The following SLC35G4 variants were observed in gnomAD, a reference collection of about 807,000 sequenced individuals.
The protein encoded by SLC35G4 is solute carrier family 35 member G4.
SLC35G4 carries 12 observed loss-of-function variants against 15.8 expected under a neutral mutation model. The observed-to-expected ratio is 0.76, with a 90% confidence interval of 0.49 to 1.23. SLC35G4 has a LOEUF of 1.23. SLC35G4 is among the 50% of genes most tolerant of loss of function. The pLI is 0.00. For missense variants in SLC35G4, 390 were observed against 422.1 expected, an observed-to-expected ratio of 0.92 and a Z score of 0.67; for synonymous variants, 177 against 186.5, an observed-to-expected ratio of 0.95 and a Z score of 0.41.
Position 11,609,985 on chromosome 18 carries a change from T to A in SLC35G4, c.390T>A (p.Ala130=). The A allele has an allele frequency of 6.8e-6, 11 of 1,613,982 alleles. No homozygotes were observed. The highest frequency in any genetic ancestry group is 9.3e-6 in the Non-Finnish European group (11 of 1,179,848). Residue 130 remains alanine (A), a synonymous_variant, in exon 1 of 1, where the codon GCT becomes GCA. Coordinates refer to ENST00000588001, the MANE Select transcript of SLC35G4 (RefSeq NM_001282300.2). ...SAVQVVPTGN[A]ATVRKHSSTV... ...TTCAGGTGGTGCCCACTGGCAATGC[T>A]GCCACTGTTCGCAAACATTCTTCCA...
chr18:11,609,975 C>A lies in SLC35G4; in HGVS notation c.380C>A (p.Thr127Asn), dbSNP rs771762914. The change falls in exon 1 of 1, where the codon ACT (threonine) becomes AAT (asparagine). Residue 127 changes from threonine (T) to asparagine (N), a missense_variant. Thr to Asn is a moderately conservative substitution (Grantham distance 65). Coordinates refer to ENST00000588001, the MANE Select transcript of SLC35G4 (RefSeq NM_001282300.2). Reference sequence around the variant, plus strand: ...TATAGTGCGGTTCAGGTGGTGCCCACTGGCAATGCTGCCACTGTTCGCAAA... The same window carrying A: ...TATAGTGCGGTTCAGGTGGTGCCCAATGGCAATGCTGCCACTGTTCGCAAA... ...CAYSAVQVVPTGNAATVRKHS... is the reference protein window; with the variant it reads ...CAYSAVQVVPNGNAATVRKHS... The A allele has an allele frequency of 6.2e-7, 1 of 1,614,026 alleles. No individual in the cohort carries two copies. Among genetic ancestry groups the A allele is most frequent in the Admixed American group, 1.7e-5 (1 of 60,030 alleles).
Position 11,609,966 on chromosome 18 carries a change from T to A in SLC35G4, c.371T>A (p.Val124Glu), listed in dbSNP as rs1435324761. ...GGATGTGCCTATAGTGCGGTTCAGG[T>A]GGTGCCCACTGGCAATGCTGCCACT... The part of the protein sequence containing the change: ...NIGCAYSAVQ[V>E]VPTGNAATVR... Residue 124 changes from valine to glutamate, a missense_variant, in exon 1 of 1, where the codon GTG becomes GAG. Physicochemically the swap from Val to Glu is moderately radical, Grantham distance 121. This residue lies in a region of SLC35G4 where 331 missense variants were observed against 241.1 expected (regional missense o/e 1.37). Transcript: ENST00000588001. 3.7e-6 allele frequency: 6 copies of A among 1,614,002 alleles called. No homozygotes were observed. The highest frequency in any genetic ancestry group is 5.1e-6 in the Non-Finnish European group (6 of 1,179,872).
rs747607560 is a variant in SLC35G4, at chr18:11,609,837, T to A, written c.242T>A (p.Leu81His). 31 of 1,613,464 alleles carry A rather than the reference T, an allele frequency of 1.9e-5. No homozygotes were observed. The highest frequency in any genetic ancestry group is 2.6e-5 in the Non-Finnish European group (31 of 1,179,748). Residue 81 changes from leucine to histidine, a missense_variant, in exon 1 of 1, where the codon CTC (leucine) becomes CAC (histidine). By Grantham distance (99) the Leu-to-His change is moderately conservative. Transcript: ENST00000588001. ...GTCATCTGTCGATGCCTCTTCCACC[T>A]CCCTATTGCCCTGCTACTTAAACTG... ...ELVICRCLFH[L>H]PIALLLKLRG...
Position 11,609,698 on chromosome 18 carries a change from G to C in SLC35G4, c.103G>C (p.Asp35His). ...CTGGCACCAGCGCTGCCAGCCCTCT[G>C]ATGCCACCAATGGCCTGCTGGTGGC... ...LHWHQRCQPS[D>H]ATNGLLVALL... The change falls in exon 1 of 1, where the codon GAT becomes CAT. Residue 35 changes from aspartate to histidine, a missense_variant. Asp to His is a moderately conservative substitution (Grantham distance 81). Coordinates refer to ENST00000588001, the MANE Select transcript of SLC35G4 (RefSeq NM_001282300.2). 1 of 1,614,004 alleles carries C rather than the reference G, an allele frequency of 6.2e-7. No individual in the cohort carries two copies. The highest frequency in any genetic ancestry group is 8.5e-7 in the Non-Finnish European group (1 of 1,180,006).
rs538467978 is a variant in SLC35G4 at position 11,609,692 on chromosome 18, C to A, written c.97C>A (p.Pro33Thr). The change falls in exon 1 of 1, where the codon CCC (proline) becomes ACC (threonine). Residue 33 changes from proline to threonine, a missense_variant. This residue lies in a region of SLC35G4 where 331 missense variants were observed against 241.1 expected (regional missense o/e 1.37). Coordinates refer to ENST00000588001, the MANE Select transcript of SLC35G4 (RefSeq NM_001282300.2). ...CCTCCACTGGCACCAGCGCTGCCAGCCCTCTGATGCCACCAATGGCCTGCT... is the reference window on the plus strand; with the variant it reads ...CCTCCACTGGCACCAGCGCTGCCAGACCTCTGATGCCACCAATGGCCTGCT... ...PSLHWHQRCQPSDATNGLLVA... is the reference protein window; with the variant it reads ...PSLHWHQRCQTSDATNGLLVA... The A allele has an allele frequency of 2.5e-5, 41 of 1,614,018 alleles. No individual in the cohort carries two copies. In the Admixed American group the frequency reaches 3.7e-4, roughly 14 times the overall value.
chr18:11,610,111 T>C lies in SLC35G4; in HGVS notation c.516T>C (p.Ile172=). Residue 172 remains isoleucine, a synonymous_variant, in exon 1 of 1, where the codon ATT becomes ATC. Transcript: ENST00000588001. ...LLGSILGLII[I]VGPGLWTLQE... ...GCAGCATCCTAGGACTAATAATCAT[T>C]GTGGGACCTGGACTCTGGACACTAC... The C allele has an allele frequency of 6.2e-7, 1 of 1,613,610 alleles. No individual in the cohort carries two copies. Among genetic ancestry groups the C allele is most frequent in the Middle Eastern group, 1.7e-4 (1 of 5,808 alleles).
Position 11,610,314 on chromosome 18 carries a change from T to C in SLC35G4, c.719T>C (p.Val240Ala). The C allele has an allele frequency of 1.9e-6, 3 of 1,603,856 alleles. No individual in the cohort carries two copies. The highest frequency in any genetic ancestry group is 2.6e-6 in the Non-Finnish European group (3 of 1,174,812). The change falls in exon 1 of 1, where the codon GTG becomes GCG. Residue 240 changes from valine to alanine, a missense_variant. Around this residue, in one of 2 missense-constraint regions of SLC35G4, gnomAD observed 59 missense variants for 181.0 expected, o/e 0.33. Transcript: ENST00000588001. ...GLLGSVPGLF[V>A]LQSPVLPSDL... ...CTGGGCTCTGTGCCAGGCCTCTTTG[T>C]GCTGCAGTCCCCCGTGTTGCCCAGT... is the stretch of plus-strand genomic sequence containing the variant.
rs745728497 is a variant in SLC35G4 at position 11,609,742 on chromosome 18, G to A, written c.147G>A (p.Leu49=). The stretch of plus-strand genomic sequence containing the variant: ...TGGTGGCCCTGCTGGGTGGGGGCCT[G>A]CCTGCTGGCTTCGTGGGCCCCCTTT... ...GLLVALLGGG[L]PAGFVGPLSR... The change falls in exon 1 of 1, where the codon CTG becomes CTA. Residue 49 remains leucine, a synonymous_variant. Transcript: ENST00000588001. 7 of 1,613,758 alleles carry A rather than the reference G, an allele frequency of 4.3e-6. No individual in the cohort carries two copies. The South Asian group carries it at 5.5e-5, about 13-fold the overall frequency.
At position 11,609,823 on chromosome 18, in the gene SLC35G4, A is replaced by G. The variant is rs1241774555; in HGVS notation, c.228A>G (p.Arg76=). ...CCTCGCTGGAGCTGGTCATCTGTCG[A>G]TGCCTCTTCCACCTCCCTATTGCCC... ...NLPSLELVIC[R]CLFHLPIALL... Residue 76 remains arginine, a synonymous_variant, in exon 1 of 1, where the codon CGA becomes CGG. Transcript: ENST00000588001. 1.9e-6 allele frequency: 3 copies of G among 1,613,286 alleles called. No individual in the cohort carries two copies. The highest frequency in any genetic ancestry group is 1.7e-5 in the Admixed American group (1 of 59,966).
chr18:11,610,036 C>T lies in SLC35G4; in HGVS notation c.441C>T (p.Leu147=). The change falls in exon 1 of 1, where the codon CTC becomes CTT. Residue 147 remains leucine, a synonymous_variant. Coordinates refer to ENST00000588001, the MANE Select transcript of SLC35G4 (RefSeq NM_001282300.2). The part of the protein sequence containing the change: ...SSTVCSAILT[L]CLESQVLSGY... ...CCGTCTGCTCCGCCATCCTCACCCT[C>T]TGCCTTGAGAGCCAGGTTCTCAGTG... 5 of 1,614,026 alleles carry T rather than the reference C, an allele frequency of 3.1e-6. No individual in the cohort carries two copies. Among genetic ancestry groups the T allele is most frequent in the East Asian group, 4.5e-5 (2 of 44,880 alleles).
Position 11,610,033 on chromosome 18 carries a change from C to T in SLC35G4, c.438C>T (p.Thr146=), listed in dbSNP as rs192700468. Residue 146 remains threonine, a synonymous_variant, in exon 1 of 1, where the codon ACC becomes ACT. Coordinates refer to ENST00000588001, the MANE Select transcript of SLC35G4 (RefSeq NM_001282300.2). The part of the protein sequence containing the change: ...HSSTVCSAIL[T]LCLESQVLSG... ...CCACCGTCTGCTCCGCCATCCTCACCCTCTGCCTTGAGAGCCAGGTTCTCA... is the reference window on the plus strand; with the variant it reads ...CCACCGTCTGCTCCGCCATCCTCACTCTCTGCCTTGAGAGCCAGGTTCTCA... 22 of 1,613,954 alleles carry T rather than the reference C, an allele frequency of 1.4e-5. No homozygotes were observed. In the Admixed American group the frequency reaches 3.5e-4, roughly 26 times the overall value.
In SLC35G4 at chr18:11,610,193, G is replaced by A. The variant is rs2029984447; in HGVS notation, c.598G>A (p.Gly200Arg). Residue 200 changes from glycine (G) to arginine (R), a missense_variant, in exon 1 of 1, where the codon GGA becomes AGA. Physicochemically the swap from Gly to Arg is moderately radical, Grantham distance 125. This residue lies in a region of SLC35G4 where 59 missense variants were observed against 181.0 expected (regional missense o/e 0.33). Coordinates refer to ENST00000588001, the MANE Select transcript of SLC35G4 (RefSeq NM_001282300.2). ...GLGYVQAFLG[G>R]LALSLGLLVY... ...GGGCTATGTGCAGGCTTTCCTGGGA[G>A]GACTGGCGCTGTCCCTGGGGCTTCT... 6.2e-7 allele frequency: 1 copy of A among 1,611,064 alleles called. No individual in the cohort carries two copies. The highest frequency in any genetic ancestry group is 8.5e-7 in the Non-Finnish European group (1 of 1,179,518).
rs1394337500 is a variant in SLC35G4 at position 11,610,390 on chromosome 18, C to G, written c.795C>G (p.Val265=). The G allele has an allele frequency of 6.3e-7, 1 of 1,599,794 alleles. No individual in the cohort carries two copies. The highest frequency in any genetic ancestry group is 2.2e-5 in the East Asian group (1 of 44,770). Residue 265 remains valine, a synonymous_variant, in exon 1 of 1, where the codon GTC becomes GTG. Transcript: ENST00000588001. ...CVGAVGILTL[V]SFTCVGYAVT... ...GGGCAGTGGGGATCCTCACCTTGGT[C>G]TCCTTCACATGTGTGGGCTATGCGG...
chr18:11,610,326 C>G lies in SLC35G4; in HGVS notation c.731C>G (p.Pro244Arg). Reference protein sequence around the residue: ...SVPGLFVLQSPVLPSDLLSWS... With the variant: ...SVPGLFVLQSRVLPSDLLSWS... ...CCAGGCCTCTTTGTGCTGCAGTCCC[C>G]CGTGTTGCCCAGTGACCTCCTGAGT... The change falls in exon 1 of 1, where the codon CCC (proline) becomes CGC (arginine). Residue 244 changes from proline (P) to arginine (R), a missense_variant. Pro to Arg is a moderately radical substitution (Grantham distance 103). Coordinates refer to ENST00000588001, the MANE Select transcript of SLC35G4 (RefSeq NM_001282300.2). 6.2e-7 allele frequency: 1 copy of G among 1,602,322 alleles called. No individual in the cohort carries two copies. Among genetic ancestry groups the G allele is most frequent in the Non-Finnish European group, 8.5e-7 (1 of 1,173,858 alleles).
chr18:11,609,975 C>T lies in SLC35G4; in HGVS notation c.380C>T (p.Thr127Ile). Residue 127 changes from threonine (T) to isoleucine (I), a missense_variant, in exon 1 of 1, where the codon ACT (threonine) becomes ATT (isoleucine). Transcript: ENST00000588001. Reference protein sequence around the residue: ...CAYSAVQVVPTGNAATVRKHS... With the variant: ...CAYSAVQVVPIGNAATVRKHS... ...TATAGTGCGGTTCAGGTGGTGCCCACTGGCAATGCTGCCACTGTTCGCAAA... is the reference window on the plus strand; with the variant it reads ...TATAGTGCGGTTCAGGTGGTGCCCATTGGCAATGCTGCCACTGTTCGCAAA... 1.9e-6 allele frequency: 3 copies of T among 1,614,026 alleles called. No individual in the cohort carries two copies. Among genetic ancestry groups the T allele is most frequent in the Non-Finnish European group, 2.5e-6 (3 of 1,179,874 alleles).
In SLC35G4 at chr18:11,609,845, G is replaced by A. The variant is rs2029971081; in HGVS notation, c.250G>A (p.Ala84Thr). Residue 84 changes from alanine (A) to threonine (T), a missense_variant, in exon 1 of 1, where the codon GCC (alanine) becomes ACC (threonine). Ala to Thr is a moderately conservative substitution (Grantham distance 58). This residue lies in a region of SLC35G4 where 331 missense variants were observed against 241.1 expected (regional missense o/e 1.37). Transcript: ENST00000588001. ...TCGATGCCTCTTCCACCTCCCTATTGCCCTGCTACTTAAACTGCGTGGCGA... is the reference window on the plus strand; with the variant it reads ...TCGATGCCTCTTCCACCTCCCTATTACCCTGCTACTTAAACTGCGTGGCGA... ...ICRCLFHLPI[A>T]LLLKLRGDPL... The A allele has an allele frequency of 9.3e-6, 15 of 1,613,564 alleles. No homozygotes were observed. The highest frequency in any genetic ancestry group is 1.2e-5 in the Non-Finnish European group (14 of 1,179,738).
Position 11,609,871 on chromosome 18 carries a change from C to A in SLC35G4, c.276C>A (p.Asp92Glu), listed in dbSNP as rs538381894. 5 of 1,613,392 alleles carry A rather than the reference C, an allele frequency of 3.1e-6. No individual in the cohort carries two copies. In the African/African-American group the frequency reaches 6.7e-5, roughly 22 times the overall value. ...PIALLLKLRGDPLLGPPDIRG... is the reference protein window; with the variant it reads ...PIALLLKLRGEPLLGPPDIRG... ...CCCTGCTACTTAAACTGCGTGGCGACCCCCTTCTGGGACCTCCTGACATCC... is the reference window on the plus strand; with the variant it reads ...CCCTGCTACTTAAACTGCGTGGCGAACCCCTTCTGGGACCTCCTGACATCC... Residue 92 changes from aspartate (D) to glutamate (E), a missense_variant, in exon 1 of 1, where the codon GAC becomes GAA. Physicochemically the swap from Asp to Glu is conservative, Grantham distance 45. Around this residue, in one of 2 missense-constraint regions of SLC35G4, gnomAD observed 331 missense variants for 241.1 expected, o/e 1.37. Coordinates refer to ENST00000588001, the MANE Select transcript of SLC35G4 (RefSeq NM_001282300.2).
At position 11,609,924 on chromosome 18, in the gene SLC35G4, T is replaced by C. The variant is rs1415484436; in HGVS notation, c.329T>C (p.Leu110Pro). Residue 110 changes from leucine (L) to proline (P), a missense_variant, in exon 1 of 1, where the codon CTC (leucine) becomes CCC (proline). Physicochemically the swap from Leu to Pro is moderately conservative, Grantham distance 98 (BLOSUM62 -3). This residue lies in a region of SLC35G4 where 331 missense variants were observed against 241.1 expected (regional missense o/e 1.37). Transcript: ENST00000588001. ...GGCCGCACCTGCTTCTGTGCCCTGC[T>C]CAACGTCCTCAACATTGGATGTGCC... ...IRGRTCFCAL[L>P]NVLNIGCAYS... 1 of 1,613,994 alleles carries C rather than the reference T, an allele frequency of 6.2e-7. No individual in the cohort carries two copies. The highest frequency in any genetic ancestry group is 1.7e-5 in the Admixed American group (1 of 60,026).
In SLC35G4 at chr18:11,609,915, G is replaced by T; in HGVS notation, c.320G>T (p.Cys107Phe). Reference sequence around the variant, plus strand: ...GACATCCGAGGCCGCACCTGCTTCTGTGCCCTGCTCAACGTCCTCAACATT... The same window carrying T: ...GACATCCGAGGCCGCACCTGCTTCTTTGCCCTGCTCAACGTCCTCAACATT... ...PPDIRGRTCF[C>F]ALLNVLNIGC... is the part of the protein sequence containing the mutation. The change falls in exon 1 of 1, where the codon TGT becomes TTT. Residue 107 changes from cysteine to phenylalanine, a missense_variant. Cys to Phe is a radical substitution (Grantham distance 205). Transcript: ENST00000588001. 6.2e-7 allele frequency: 1 copy of T among 1,613,518 alleles called. No homozygotes were observed. Among genetic ancestry groups the T allele is most frequent in the Non-Finnish European group, 8.5e-7 (1 of 1,179,514 alleles).
Sources: gnomAD v4.1 joint callset for allele counts on GRCh38, gnomAD v4.1.1 for gene constraint, gnomAD v4.1.1 regional missense constraint, MANE v1.5 for transcripts, NCBI Gene and HGNC (gene_info 2026-07-23, HGNC 2026-07-21) for gene names.